WDSUB1: variants seen among roughly 807,000 people sequenced by gnomAD.
The protein encoded by WDSUB1 is WD repeat, SAM and U-box domain-containing protein 1.
A neutral mutation model predicts 53.9 loss-of-function variants in WDSUB1; 49 were observed. That is an observed-to-expected ratio of 0.91 (90% CI 0.72 to 1.15). The LOEUF (loss-of-function observed/expected upper bound fraction) is 1.15. Ranked by LOEUF, WDSUB1 falls within the 50% of genes most tolerant of loss-of-function variation. The probability of loss-of-function intolerance (pLI) is 0.00; values close to 1 mark genes in which losing one functional copy is unlikely to be tolerated. For synonymous variants in WDSUB1, 194 were observed against 200.6 expected, an observed-to-expected ratio of 0.97 and a Z score of 0.28; for missense variants, 514 against 562.0, an observed-to-expected ratio of 0.91 and a Z score of 0.86.
At chr2:159,268,257 T>C (rs1404571345) in intron 5 of WDSUB1, among the ~76,000 whole-genome samples, 3 of 152,260 alleles carry the variant, frequency 2.0e-5, no homozygotes, top group Non-Finnish European at 4.4e-5. Flanking sequence ...CACTGTCTTA[T>C]ACTTCCTTTT....
At chr2:159,282,626 C>A in intron 2 of WDSUB1, 46 bp downstream of exon 2, 1 of 1,557,340 alleles carries the variant, frequency 6.4e-7, no homozygotes, top group Non-Finnish European at 8.7e-7. Flanking sequence ...TTTTTAAGTA[C>A]ACCTAGTCAA....
At position 159,236,128 on chromosome 2, in the gene WDSUB1, G is replaced by A. The variant is rs867306034; in HGVS notation, c.1336C>T (p.Pro446Ser). Reference protein sequence around the residue: ...NWISKKKRTSPMTNLVLPSAV... With the variant: ...NWISKKKRTSSMTNLVLPSAV... Reference sequence around the variant, plus strand: ...GAAGGAAGAACAAGATTTGTCATGGGACTTGTACGTTTCTTTTTGCTGATC... The same window carrying A: ...GAAGGAAGAACAAGATTTGTCATGGAACTTGTACGTTTCTTTTTGCTGATC... The change falls in exon 11 of 11, where the codon CCC becomes TCC. Residue 446 changes from proline (P) to serine (S), a missense_variant. By Grantham distance (74) the Pro-to-Ser change is moderately conservative. Coordinates refer to ENST00000359774, the MANE Select transcript of WDSUB1 (RefSeq NM_001128212.3). The A allele has an allele frequency of 6.2e-7, 1 of 1,613,770 alleles. No homozygotes were observed. The highest frequency in any genetic ancestry group is 1.3e-5 in the African/African-American group (1 of 75,018).
intron 10 of WDSUB1, among the ~76,000 whole-genome samples, chr2:159,242,715 A>G (rs1481331325): frequency 6.8e-6 from 1 of 147,986 alleles, no homozygotes; most frequent in Non-Finnish European, 1.5e-5. Context: ...AATGGATGGA[A>G]AAATAACTAG....
chr2:159,268,686 G>A (rs2061390954), intron 5 of WDSUB1, among the ~76,000 whole-genome samples: 1 of 152,176 alleles, frequency 6.6e-6, no homozygotes, highest in African/African-American at 2.4e-5. Flanking sequence ...CTAATGGCAA[G>A]GAGAAAATAT....
chr2:159,269,674 A>G (rs891159119), intron 5 of WDSUB1, among the ~76,000 whole-genome samples: 1 of 152,212 alleles, frequency 6.6e-6, no homozygotes, highest in Non-Finnish European at 1.5e-5. Flanking sequence ...ACAATAATAT[A>G]CCCTAAAATT....
At chr2:159,267,819 T>C (rs886161054) in intron 5 of WDSUB1, among the ~76,000 whole-genome samples, 7 of 152,220 alleles carry the variant, frequency 4.6e-5, no homozygotes, top group African/African-American at 1.4e-4. Flanking sequence ...AAGTATGATT[T>C]AAATATGCCT....
At chr2:159,241,542 A>C (rs1409977245) in intron 10 of WDSUB1, among the ~76,000 whole-genome samples, 1 of 132,892 alleles carries the variant, frequency 7.5e-6, no homozygotes, top group Non-Finnish European at 1.5e-5. Flanking sequence ...AGCCTGGGTG[A>C]CACAGTGAGA....
chr2:159,256,093 A>T, intron 9 of WDSUB1, 103 bp downstream of exon 9: 1 of 1,064,124 alleles, frequency 9.4e-7, no homozygotes. Flanking sequence ...TCATTAGTGT[A>T]GTGCCAGAAC....
intron 1 of WDSUB1, among the ~76,000 whole-genome samples, chr2:159,284,893 G>A (rs1188092810): frequency 6.6e-6 from 1 of 152,118 alleles, no homozygotes; most frequent in East Asian, 1.9e-4. Flanking sequence ...GTTTTCTCAA[G>A]CTGAAATGTT....
At chr2:159,275,699 C>G (rs2061526486) in intron 3 of WDSUB1, 61 bp from the exon 4 acceptor site, 1 of 1,328,074 alleles carries the variant, frequency 7.5e-7, no homozygotes, top group South Asian at 1.4e-5. Context: ...CCCCAAAATT[C>G]CCATTTCTTA....
rs552435084 is a variant in WDSUB1, at chr2:159,265,330, CTT to C, written c.771-5489_771-5488del. On this transcript the variant is annotated intron_variant, in intron 5 of 10. Transcript: ENST00000359774. ...ACACACACACACACTCACTCTCTCT[CTT>C]TTCTTCCTGTCTCTCACACACAACT... 4.0e-3 allele frequency among the ~76,000 whole-genome samples: 611 copies of C among 151,444 alleles called. 5 individuals are homozygous for C. Among genetic ancestry groups the C allele is most frequent in the African/African-American group, 0.014 (595 of 41,254 alleles).
intron 9 of WDSUB1, among the ~76,000 whole-genome samples, chr2:159,249,186 G>A (rs1421897734): frequency 6.6e-6 from 1 of 152,082 alleles, no homozygotes; most frequent in Non-Finnish European, 1.5e-5. Context: ...ATATGTTTGA[G>A]TTCAAAACAT....
At chr2:159,274,807 AG>A (rs1202492277) in intron 4 of WDSUB1, among the ~76,000 whole-genome samples, 1 of 152,226 alleles carries the variant, frequency 6.6e-6, no homozygotes, top group African/African-American at 2.4e-5. Flanking sequence ...CTGCAAACAA[AG>A]ATCAGAAAAC....
chr2:159,281,291 T>C (rs2061658406), intron 2 of WDSUB1, among the ~76,000 whole-genome samples: 1 of 152,020 alleles, frequency 6.6e-6, no homozygotes, highest in South Asian at 2.1e-4. Flanking sequence ...CAGGCTGGGG[T>C]ACAGTAGTGC....
At chr2:159,264,354 T>C (rs1440181866) in intron 5 of WDSUB1, among the ~76,000 whole-genome samples, 1 of 152,230 alleles carries the variant, frequency 6.6e-6, no homozygotes, top group African/African-American at 2.4e-5. Flanking sequence ...AGAAAAAACA[T>C]GATTTGCATT....
chr2:159,262,506 A>G (rs1425795083), intron 5 of WDSUB1, among the ~76,000 whole-genome samples: 1 of 145,482 alleles, frequency 6.9e-6, no homozygotes, highest in Non-Finnish European at 1.6e-5. Flanking sequence ...GTAGGAGACC[A>G]CTGAATCCAT....
At chr2:159,262,050 G>C (rs1278461940) in intron 5 of WDSUB1, among the ~76,000 whole-genome samples, 1 of 150,844 alleles carries the variant, frequency 6.6e-6, no homozygotes, top group South Asian at 2.1e-4. Flanking sequence ...GAGCTGGCTA[G>C]AGCCCAGCCA....
chr2:159,283,921 T>G (rs12998648), intron 1 of WDSUB1, among the ~76,000 whole-genome samples: 63,945 of 152,076 alleles, frequency 0.42, 14,737 homozygotes, highest in Non-Finnish European at 0.54. Flanking sequence ...TTCAAGTGAT[T>G]CTCCCACCTC....
At chr2:159,264,954 G>T (rs1051204992) in intron 5 of WDSUB1, among the ~76,000 whole-genome samples, 2 of 151,760 alleles carry the variant, frequency 1.3e-5, no homozygotes, top group Non-Finnish European at 1.5e-5. Flanking sequence ...CATGGTCGCG[G>T]GCACCTGTAA....
Sources: gnomAD v4.1 joint callset for allele counts (sites outside exome capture counted in the v4.1 genomes callset) on GRCh38, gnomAD v4.1.1 for gene constraint, MANE v1.5 for transcripts, NCBI Gene and HGNC (gene_info 2026-07-23, HGNC 2026-07-21) for gene names.